Variants in CCDC73 observed in about 807,000 individuals in gnomAD.
CCDC73 encodes coiled-coil domain-containing protein 73.
Under a neutral mutation model 116.5 loss-of-function variants are expected in CCDC73, and 95 were observed. The observed-to-expected ratio is 0.82, with a 90% CI of 0.69 to 0.97. The LOEUF is 0.97. CCDC73 is among the 50% of genes least tolerant of loss of function. The pLI, the probability that CCDC73 is intolerant of heterozygous loss-of-function variation, is 0.00. For missense variants in CCDC73, 1,066 were observed against 1,206.8 expected (o/e 0.88, Z 1.73); for synonymous variants, 398 against 401.3 (o/e 0.99, Z 0.10).
intron 6 of CCDC73, among the ~76,000 whole-genome samples, chr11:32,687,407 C>T (rs1344362274): frequency 6.6e-6 from 1 of 151,984 alleles, no homozygotes; most frequent in African/African-American, 2.4e-5. Context: ...AGGACATCCA[C>T]ATAAGGAAAG....
At chr11:32,755,526 T>A (rs1850325129) in intron 2 of CCDC73, among the ~76,000 whole-genome samples, 1 of 130,392 alleles carries the variant, frequency 7.7e-6, no homozygotes. Flanking sequence ...AAAGCAAGAC[T>A]CCATCTCAAA....
rs142754994 is a variant in CCDC73, at chr11:32,640,136, C to A, written c.1050+1836G>T. On this transcript the variant is annotated intron_variant, in intron 13 of 17. Transcript: ENST00000335185. ...AATACAATTAAAAAGTAAATGTGAT[C>A]TCCCACTGAAGAAAACTCTTATCGA... 2.0e-3 allele frequency among the ~76,000 whole-genome samples: 300 copies of A among 152,218 alleles called. 4 individuals carry two copies. The highest frequency in any genetic ancestry group is 5.8e-3 in the Admixed American group (88 of 15,290).
intron 3 of CCDC73, among the ~76,000 whole-genome samples, chr11:32,704,391 T>G (rs1324595313): frequency 6.6e-6 from 1 of 152,196 alleles, no homozygotes; most frequent in African/African-American, 2.4e-5. Flanking sequence ...CCAGGACAAG[T>G]ATGCGCACAC....
At chr11:32,765,430 A>T (rs1010574399) in intron 1 of CCDC73, among the ~76,000 whole-genome samples, 3 of 152,226 alleles carry the variant, frequency 2.0e-5, no homozygotes, top group African/African-American at 7.2e-5. Flanking sequence ...ACCACAGTGC[A>T]ATCAAACTAG....
At chr11:32,739,134 T>A (rs115271279) in intron 2 of CCDC73, among the ~76,000 whole-genome samples, 8 of 152,208 alleles carry the variant, frequency 5.3e-5, no homozygotes, top group African/African-American at 1.7e-4. Context: ...ATGTGATTCC[T>A]GCAGTTCTGT....
intron 4 of CCDC73, among the ~76,000 whole-genome samples, chr11:32,702,414 T>C (rs1849821536): frequency 6.6e-6 from 1 of 152,196 alleles, no homozygotes; most frequent in African/African-American, 2.4e-5. Flanking sequence ...TGATTGATAT[T>C]TATGGAGGCT....
In CCDC73 at chr11:32,668,472, C is replaced by T. The variant is rs577655037; in HGVS notation, c.645+7093G>A. 1.3e-4 allele frequency among the ~76,000 whole-genome samples: 20 copies of T among 151,836 alleles called. No individual in the cohort carries two copies. The South Asian group carries it at 3.1e-3, about 24-fold the overall frequency. ...AATGAACATGATATAAAGAAAAATG[C>T]GATTTACCTTTGTCTAATATAAAAG... On this transcript the variant is annotated intron_variant, in intron 9 of 17. Coordinates refer to ENST00000335185, the MANE Select transcript of CCDC73 (RefSeq NM_001008391.4).
chr11:32,773,769 G>A (rs1487732319), intron 1 of CCDC73, among the ~76,000 whole-genome samples: 1 of 124,120 alleles, frequency 8.1e-6, no homozygotes, highest in Non-Finnish European at 1.7e-5. Flanking sequence ...AACAGAGCAA[G>A]ATGCTGTCTC....
intron 1 of CCDC73, among the ~76,000 whole-genome samples, chr11:32,779,186 G>A (rs1850561186): frequency 6.7e-6 from 1 of 149,520 alleles, no homozygotes; most frequent in South Asian, 2.1e-4. Context: ...AACCAGTGAA[G>A]AGTAGCTTTG....
At chr11:32,724,453 T>G (rs1162444301) in intron 2 of CCDC73, among the ~76,000 whole-genome samples, 1 of 152,176 alleles carries the variant, frequency 6.6e-6, no homozygotes, top group African/African-American at 2.4e-5. Flanking sequence ...AAATGGTTTA[T>G]AAAAGGTTAT....
At chr11:32,622,687 A>G (rs367843287) in intron 14 of CCDC73, among the ~76,000 whole-genome samples, 1 of 119,486 alleles carries the variant, frequency 8.4e-6, no homozygotes, top group East Asian at 2.4e-4. Flanking sequence ...AAAAAAAAAA[A>G]GAAAGAATGA....
intron 6 of CCDC73, among the ~76,000 whole-genome samples, chr11:32,689,563 T>C (rs1664500717): frequency 1.3e-5 from 2 of 151,120 alleles, no homozygotes; most frequent in Non-Finnish European, 3.0e-5. Context: ...ATAAGAAATA[T>C]GAAAAAATAT....
Position 32,676,661 on chromosome 11 carries a change from T to C in CCDC73, c.430-640A>G, listed in dbSNP as rs1347875822. Among the ~76,000 whole-genome samples the C allele has an allele frequency of 2.6e-5, 4 of 152,210 alleles. No homozygotes were observed. The East Asian group carries it at 7.7e-4, about 29-fold the overall frequency. ...TTATCTGGGCATGGTGGCACATGCC[T>C]GTAGTCCTAGCTACTTGGGAAGTTG... On this transcript the variant is annotated intron_variant, in intron 7 of 17. Coordinates refer to ENST00000335185, the MANE Select transcript of CCDC73 (RefSeq NM_001008391.4).
At chr11:32,645,414 C>T (rs1855769604) in intron 12 of CCDC73, among the ~76,000 whole-genome samples, 1 of 151,842 alleles carries the variant, frequency 6.6e-6, no homozygotes, top group Non-Finnish European at 1.5e-5. Flanking sequence ...GCCTCAGCCC[C>T]CTGAGTAGCT....
the CCDC73 span, chr11:32,830,473 C>CTT: frequency 2.4e-5 from 29 of 1,194,120 alleles, no homozygotes; most frequent in Middle Eastern, 3.1e-4. Flanking sequence ...AGCTAGGGGC[C>CTT]TTTTTTTTTT....
At chr11:32,776,914 C>G (rs1290932774) in intron 1 of CCDC73, among the ~76,000 whole-genome samples, 1 of 135,644 alleles carries the variant, frequency 7.4e-6, no homozygotes, top group Non-Finnish European at 1.5e-5. Context: ...TTTCTTCCTA[C>G]AGAGTATGGT....
chr11:32,825,571 G>A, the CCDC73 span, among the ~76,000 whole-genome samples: 1 of 152,136 alleles, frequency 6.6e-6, no homozygotes, highest in East Asian at 1.9e-4. Flanking sequence ...CAAAGTGCTG[G>A]GATTACAGGC....
At position 32,620,072 on chromosome 11, in the gene CCDC73, C is replaced by G. The variant is rs532757434; in HGVS notation, c.1186-3943G>C. Reference sequence around the variant, plus strand: ...GTGATTTACAACAGCAAACATCCCACAGTTTCAATGGGTCAGGAATTCAGG... The same window carrying G: ...GTGATTTACAACAGCAAACATCCCAGAGTTTCAATGGGTCAGGAATTCAGG... On this transcript the variant is annotated intron_variant, in intron 14 of 17. Transcript: ENST00000335185. Among the ~76,000 whole-genome samples, 14 of 152,274 alleles carry G rather than the reference C, an allele frequency of 9.2e-5. No individual in the cohort carries two copies. In the South Asian group the frequency reaches 2.7e-3, roughly 29 times the overall value.
At chr11:32,730,624 T>C (rs1429073701) in intron 2 of CCDC73, among the ~76,000 whole-genome samples, 1 of 152,212 alleles carries the variant, frequency 6.6e-6, no homozygotes, top group African/African-American at 2.4e-5. Context: ...TCTTCCATGA[T>C]GTATCTGGGT....
Sources: allele counts gnomAD v4.1 joint callset (sites outside exome capture counted in the v4.1 genomes callset), GRCh38; gene constraint gnomAD v4.1.1; transcripts MANE v1.5; gene names NCBI Gene and HGNC (gene_info 2026-07-23, HGNC 2026-07-21).